Variants in RELN observed in about 807,000 individuals in gnomAD.
RELN encodes the protein reelin.
In RELN, 108 loss-of-function variants were observed where a neutral mutation model predicts 427.6. That is an observed-to-expected ratio of 0.25 (90% CI 0.22 to 0.30). The LOEUF is 0.30. Ranked by LOEUF, RELN falls within the 10% of genes least tolerant of loss-of-function variation. The pLI is 1.00. For synonymous variants in RELN, 1,524 were observed against 1,513.4 expected, an observed-to-expected ratio of 1.01 and a Z score of -0.16; for missense variants, 3,715 against 4,302.8, an observed-to-expected ratio of 0.86 and a Z score of 3.82.
At chr7:103,636,563 T>C (rs1832587064) in intron 17 of RELN, 95 bp from the exon 18 acceptor site, 1 of 802,080 alleles carries the variant, frequency 1.2e-6, no homozygotes, top group South Asian at 1.5e-5. Context: ...GAGACTAGGA[T>C]TTGATTGAAT....
chr7:103,939,964 T>C (rs1229223749), intron 1 of RELN, among the ~76,000 whole-genome samples: 1 of 152,246 alleles, frequency 6.6e-6, no homozygotes, highest in Non-Finnish European at 1.5e-5. Flanking sequence ...GGATGAAGGT[T>C]ACATGGGCCT....
At chr7:103,476,860 A>T (rs1204872074) in intron 64 of RELN, 1 of 179,808 alleles carries the variant, frequency 5.6e-6, no homozygotes, top group Non-Finnish European at 1.2e-5. Flanking sequence ...AGATAACCTT[A>T]TAACTGAAAT....
At chr7:103,643,449 A>G (rs941181552) in intron 16 of RELN, among the ~76,000 whole-genome samples, 2 of 151,978 alleles carry the variant, frequency 1.3e-5, no homozygotes, top group Non-Finnish European at 2.9e-5. Context: ...GTAAGTCCTT[A>G]TTAAGGGTGT....
intron 2 of RELN, among the ~76,000 whole-genome samples, chr7:103,849,120 G>A (rs1218115294): frequency 6.6e-6 from 1 of 152,168 alleles, no homozygotes; most frequent in Non-Finnish European, 1.5e-5. Flanking sequence ...CCTTTTAACA[G>A]TCACAGTTCC....
chr7:103,561,629 T>G lies in RELN; in HGVS notation c.5432A>C (p.Asn1811Thr). ...TTCAGGCCAAAGGTCAGGATGTAAATTCCCATTGAAATCGTCTTTAAGAAT... is the reference window on the plus strand; with the variant it reads ...TTCAGGCCAAAGGTCAGGATGTAAAGTCCCATTGAAATCGTCTTTAAGAAT... ...PSILKDDFNG[N>T]LHPDLWPEVY... Residue 1811 changes from asparagine (N) to threonine (T), a missense_variant, in exon 36 of 65, where the codon AAT becomes ACT. Around this residue, in one of 4 missense-constraint regions of RELN, gnomAD observed 2,208 missense variants for 2,361.7 expected, o/e 0.93. Transcript: ENST00000428762. The G allele has an allele frequency of 6.2e-7, 1 of 1,613,930 alleles. No individual in the cohort carries two copies. The highest frequency in any genetic ancestry group is 8.5e-7 in the Non-Finnish European group (1 of 1,179,898).
chr7:103,977,310 C>CAAAAAAAAAAAAAAAAAAAAAAAAAAA (rs201026012), intron 1 of RELN, among the ~76,000 whole-genome samples: 8 of 88,262 alleles, frequency 9.1e-5, no homozygotes, highest in African/African-American at 4.2e-4. Flanking sequence ...GACTCTGTCT[C>CAAAAAAAAAAAAAAAAAAAAAAAAAAA]AAAAAAAAAA....
At chr7:103,781,939 A>AT (rs1791900989) in intron 3 of RELN, among the ~76,000 whole-genome samples, 1 of 151,854 alleles carries the variant, frequency 6.6e-6, no homozygotes, top group African/African-American at 2.4e-5. Context: ...ATTAGAAATA[A>AT]TTTTTCTTAA....
At chr7:103,938,169 A>C (rs1302983206) in intron 1 of RELN, among the ~76,000 whole-genome samples, 1 of 151,976 alleles carries the variant, frequency 6.6e-6, no homozygotes, top group African/African-American at 2.4e-5. Flanking sequence ...AAAAATACAA[A>C]AATTAGCCAG....
chr7:103,899,992 A>G (rs1795047598), intron 2 of RELN, among the ~76,000 whole-genome samples: 1 of 152,158 alleles, frequency 6.6e-6, no homozygotes. Flanking sequence ...CAATTAGGAA[A>G]AGAGGAAGTC....
intron 1 of RELN, among the ~76,000 whole-genome samples, chr7:103,937,142 AAAAT>A (rs1796006129): frequency 6.6e-6 from 1 of 152,228 alleles, no homozygotes; most frequent in Non-Finnish European, 1.5e-5. Context: ...TATAGTAAAT[AAAAT>A]AAATAAATGA....
At chr7:103,619,643 G>C (rs1431523317) in intron 20 of RELN, among the ~76,000 whole-genome samples, 1 of 152,194 alleles carries the variant, frequency 6.6e-6, no homozygotes, top group Admixed American at 6.5e-5. Flanking sequence ...GCGTCAGCTG[G>C]AGCAATCTGT....
At chr7:103,910,737 A>C (rs1795346223) in intron 2 of RELN, among the ~76,000 whole-genome samples, 1 of 127,448 alleles carries the variant, frequency 7.8e-6, no homozygotes, top group African/African-American at 3.3e-5. Context: ...AACCTGACAA[A>C]AACAAGCAAT....
At chr7:103,757,991 A>G (rs576739924) in intron 4 of RELN, among the ~76,000 whole-genome samples, 2 of 152,306 alleles carry the variant, frequency 1.3e-5, no homozygotes, top group African/African-American at 4.8e-5. Flanking sequence ...TCAGAAGTGA[A>G]TATTTTTTCT....
At chr7:103,540,120 G>GT (rs1830144747) in intron 44 of RELN, 77 bp downstream of exon 44, 1 of 1,540,008 alleles carries the variant, frequency 6.5e-7, no homozygotes, top group Non-Finnish European at 9.0e-7. Flanking sequence ...GAGCAAGCAG[G>GT]TTGAACTAAA....
intron 51 of RELN, among the ~76,000 whole-genome samples, chr7:103,509,510 G>C (rs1829326046): frequency 6.6e-6 from 1 of 152,210 alleles, no homozygotes; most frequent in East Asian, 1.9e-4. Flanking sequence ...AACTCAAGAT[G>C]GATTAAAGAT....
intron 1 of RELN, among the ~76,000 whole-genome samples, chr7:103,979,968 C>T (rs1350804361): frequency 6.6e-6 from 1 of 152,096 alleles, no homozygotes; most frequent in Non-Finnish European, 1.5e-5. Context: ...GCGAGACCAA[C>T]CTGACCAACA....
intron 19 of RELN, among the ~76,000 whole-genome samples, chr7:103,630,851 GT>G (rs869145881): frequency 0.022 from 454 of 20,574 alleles, 5 homozygotes; most frequent in African/African-American, 0.085. Context: ...TTATTTTTTT[GT>G]TTTTTTTGTT....
intron 64 of RELN, among the ~76,000 whole-genome samples, chr7:103,475,228 T>C (rs1424409903): frequency 1.3e-5 from 2 of 152,232 alleles, no homozygotes; most frequent in Non-Finnish European, 2.9e-5. Context: ...TTTTTTTTTT[T>C]ACTTTGAACT....
chr7:103,879,569 C>G (rs936187734), intron 2 of RELN, among the ~76,000 whole-genome samples: 1 of 152,132 alleles, frequency 6.6e-6, no homozygotes, highest in South Asian at 2.1e-4. Context: ...GCCAAAACAC[C>G]AACAACTAGG....
Sources: allele counts gnomAD v4.1 joint callset (sites outside exome capture counted in the v4.1 genomes callset), GRCh38; gene constraint gnomAD v4.1.1; regional missense constraint gnomAD v4.1.1; transcripts MANE v1.5; gene names NCBI Gene and HGNC (gene_info 2026-07-23, HGNC 2026-07-21).